STPG2: variants seen among roughly 807,000 people sequenced by gnomAD.
STPG2 encodes the protein sperm tail PG-rich repeat containing 2.
STPG2 carries 56 observed loss-of-function variants against 54.2 expected under a neutral mutation model. The observed-to-expected ratio is 1.03, with a 90% confidence interval of 0.83 to 1.29. STPG2 has a LOEUF of 1.29. Among genes scored for constraint, STPG2 ranks in the 50% most tolerant of loss-of-function variants. STPG2 has a pLI of 0.00. For missense variants in STPG2, 596 were observed against 544.9 expected (o/e 1.09, Z -0.93); for synonymous variants, 200 against 181.8 (o/e 1.10, Z -0.81).
chr4:97,742,565 G>GTGTATATATATA (rs139609147), intron 9 of STPG2, among the ~76,000 whole-genome samples: 1 of 118,276 alleles, frequency 8.5e-6, no homozygotes, highest in Non-Finnish European at 1.8e-5. Flanking sequence ...GTGTGTGTGT[G>GTGTATATATATA]TCTATATATA....
At chr4:97,564,491 T>G (rs527997207) in intron 10 of STPG2, among the ~76,000 whole-genome samples, 2 of 152,270 alleles carry the variant, frequency 1.3e-5, no homozygotes, top group East Asian at 1.9e-4. Context: ...GTTAGCTGGT[T>G]ATTTTGCTCG....
chr4:97,837,121 A>T (rs1728657708), intron 9 of STPG2, among the ~76,000 whole-genome samples: 1 of 151,644 alleles, frequency 6.6e-6, no homozygotes, highest in Non-Finnish European at 1.5e-5. Context: ...TATCAAAATT[A>T]ACTAAACTCC....
At chr4:97,965,127 A>T (rs1464414596) in intron 7 of STPG2, among the ~76,000 whole-genome samples, 1 of 152,080 alleles carries the variant, frequency 6.6e-6, no homozygotes, top group African/African-American at 2.4e-5. Flanking sequence ...AAATTGTTTC[A>T]CTCCAGCCCA....
chr4:97,567,422 C>CTATATATATAATTTTATATATATATGTA (rs1292507941), intron 10 of STPG2, among the ~76,000 whole-genome samples: 28 of 149,158 alleles, frequency 1.9e-4, no homozygotes, highest in African/African-American at 5.9e-4. Context: ...TCTAACAATA[C>CTATATATATAATTTTATATATATATGTA]TATATATATA....
chr4:97,986,250 A>C (rs1206588609), intron 5 of STPG2, among the ~76,000 whole-genome samples: 1 of 152,226 alleles, frequency 6.6e-6, no homozygotes, highest in Admixed American at 6.5e-5. Flanking sequence ...TAAATAAGAT[A>C]ATCAGAGCCA....
chr4:97,556,840 G>T (rs535354683), downstream of STPG2, among the ~76,000 whole-genome samples: 47 of 152,094 alleles, frequency 3.1e-4, no homozygotes, highest in African/African-American at 1.1e-3. Flanking sequence ...TAAATAAGAG[G>T]ACCAAAGAGA....
intron 9 of STPG2, among the ~76,000 whole-genome samples, chr4:97,743,524 T>G (rs551946928): frequency 1.3e-5 from 2 of 151,858 alleles, no homozygotes; most frequent in South Asian, 4.1e-4. Flanking sequence ...TGTCAATAGT[T>G]GATCTTTCAT....
chr4:98,137,551 T>C (rs1740169454), intron 1 of STPG2, among the ~76,000 whole-genome samples: 1 of 151,804 alleles, frequency 6.6e-6, no homozygotes, highest in South Asian at 2.1e-4. Flanking sequence ...TATCTCACAA[T>C]AAAAGGGTTT....
At chr4:97,967,779 A>G (rs1734164665) in intron 7 of STPG2, among the ~76,000 whole-genome samples, 1 of 152,216 alleles carries the variant, frequency 6.6e-6, no homozygotes, top group African/African-American at 2.4e-5. Context: ...TAACAAAATG[A>G]AGGCAGAAAT....
chr4:97,730,478 T>C (rs2149026251), intron 9 of STPG2, among the ~76,000 whole-genome samples: 1 of 152,260 alleles, frequency 6.6e-6, no homozygotes, highest in Non-Finnish European at 1.5e-5. Flanking sequence ...ATGCATGTGT[T>C]TTTTTGGTGG....
chr4:97,909,349 C>A (rs1254352916), intron 8 of STPG2, among the ~76,000 whole-genome samples: 2 of 152,008 alleles, frequency 1.3e-5, no homozygotes, highest in Non-Finnish European at 2.9e-5. Flanking sequence ...TTATTAAAAG[C>A]TATCTTACAT....
chr4:97,986,937 A>G (rs907908422), intron 5 of STPG2, among the ~76,000 whole-genome samples: 1 of 152,172 alleles, frequency 6.6e-6, no homozygotes, highest in Non-Finnish European at 1.5e-5. Context: ...TTGGTGTCAT[A>G]CTTTCTATCT....
intron 10 of STPG2, among the ~76,000 whole-genome samples, chr4:97,642,713 A>T (rs1413761281): frequency 6.6e-6 from 1 of 151,544 alleles, no homozygotes; most frequent in Non-Finnish European, 1.5e-5. Flanking sequence ...CACAACGTTA[A>T]TTCTCCATTT....
intron 4 of STPG2, among the ~76,000 whole-genome samples, chr4:97,476,740 G>C (rs2148818141): frequency 6.6e-6 from 1 of 152,254 alleles, no homozygotes; most frequent in East Asian, 1.9e-4. Flanking sequence ...TTTGGAAGCA[G>C]TTTTGCAGCA....
At chr4:97,518,958 C>T (rs1006416358) in intron 4 of STPG2, among the ~76,000 whole-genome samples, 1 of 152,078 alleles carries the variant, frequency 6.6e-6, no homozygotes, top group African/African-American at 2.4e-5. Context: ...AAGTGCTTTT[C>T]ACCTTCACTT....
chr4:97,689,797 T>C (rs1164718272), intron 10 of STPG2, among the ~76,000 whole-genome samples: 1 of 152,094 alleles, frequency 6.6e-6, no homozygotes, highest in Non-Finnish European at 1.5e-5. Flanking sequence ...TGAAAATTCT[T>C]CAGTTTTCAT....
intron 5 of STPG2, among the ~76,000 whole-genome samples, chr4:98,092,925 T>A (rs17550735): frequency 3.3e-5 from 5 of 151,852 alleles, no homozygotes; most frequent in African/African-American, 1.2e-4. Context: ...TCAAATGAAC[T>A]TCAAGGCAAA....
intron 10 of STPG2, among the ~76,000 whole-genome samples, chr4:97,640,938 G>T (rs1323753174): frequency 6.6e-6 from 1 of 151,538 alleles, no homozygotes; most frequent in Non-Finnish European, 1.5e-5. Flanking sequence ...TATCCTGCAA[G>T]ATAAAGAATT....
In STPG2 at chr4:97,687,977, T is replaced by C. The variant is rs189853692; in HGVS notation, c.1320+24722A>G. Among the ~76,000 whole-genome samples, 414 of 152,304 alleles carry C rather than the reference T, an allele frequency of 2.7e-3. No homozygotes were observed. In the Middle Eastern group the frequency reaches 0.031, roughly 11 times the overall value. ...TTTTATGACTTAAATGCAATCTTCA[T>C]AAATGTATATAACCGAGAAGTTGTT... is the stretch of plus-strand genomic sequence containing the variant. On this transcript the variant is annotated intron_variant, in intron 10 of 10. Coordinates refer to ENST00000295268, the MANE Select transcript of STPG2 (RefSeq NM_174952.3).
Sources: gnomAD v4.1 joint callset for allele counts (sites outside exome capture counted in the v4.1 genomes callset) on GRCh38, gnomAD v4.1.1 for gene constraint, MANE v1.5 for transcripts, NCBI Gene and HGNC (gene_info 2026-07-23, HGNC 2026-07-21) for gene names.